The following SEM1 variants were observed in gnomAD, a reference collection of about 807,000 sequenced individuals.
The protein encoded by SEM1 is SEM1 26S proteasome subunit.
SEM1 carries 3 observed loss-of-function variants against 12.7 expected under a neutral mutation model. The observed-to-expected ratio is 0.24, with a 90% CI of 0.11 to 0.61. The LOEUF is 0.61. SEM1 is among the 20% of genes least tolerant of loss of function. SEM1 has a pLI of 0.88. For missense variants in SEM1, 59 were observed against 81.3 expected, an observed-to-expected ratio of 0.73 and a Z score of 1.06; for synonymous variants, 30 against 27.8, an observed-to-expected ratio of 1.08 and a Z score of -0.25.
At chr7:96,588,440 G>T (rs915576855) in intron 2 of SEM1, among the ~76,000 whole-genome samples, 2 of 151,346 alleles carry the variant, frequency 1.3e-5, no homozygotes, top group Non-Finnish European at 1.5e-5. Context: ...ATCATTTTGG[G>T]AACTTCAAAA....
chr7:96,511,247 G>T (rs752827399), intron 2 of SEM1, among the ~76,000 whole-genome samples: 2 of 152,130 alleles, frequency 1.3e-5, no homozygotes, highest in Non-Finnish European at 2.9e-5. Flanking sequence ...CATTCATTCA[G>T]TCAGTCAGTT....
At chr7:96,507,732 A>G (rs1358818268) in intron 2 of SEM1, among the ~76,000 whole-genome samples, 1 of 152,110 alleles carries the variant, frequency 6.6e-6, no homozygotes, top group Non-Finnish European at 1.5e-5. Context: ...CATGGATGTG[A>G]AATCAACCTG....
intron 2 of SEM1, among the ~76,000 whole-genome samples, chr7:96,527,226 TAAC>T (rs1804495142): frequency 1.3e-5 from 2 of 152,074 alleles, no homozygotes; most frequent in Non-Finnish European, 2.9e-5. Flanking sequence ...CCCTAGCTAA[TAAC>T]GTGTTCTTGC....
At chr7:96,482,890 G>A (rs1032651517) in exon 4 of SEM1, 1 of 152,164 alleles carries the variant, frequency 6.6e-6, no homozygotes, top group African/African-American at 2.4e-5. Context: ...AACTAGGCTG[G>A]CTTTGTTCTC....
chr7:96,704,575 T>C (rs1406277311), intron 1 of SEM1, among the ~76,000 whole-genome samples: 1 of 152,198 alleles, frequency 6.6e-6, no homozygotes, highest in Non-Finnish European at 1.5e-5. Flanking sequence ...TTATCAAAAA[T>C]GGACATTCAA....
At chr7:96,481,808 AC>A (rs1263295201) in exon 4 of SEM1, 4 of 152,162 alleles carry the variant, frequency 2.6e-5, no homozygotes, top group African/African-American at 9.7e-5. Context: ...CCACCTAGTT[AC>A]CAATATAAAG....
At chr7:96,603,879 A>G (rs1306241520) in intron 2 of SEM1, among the ~76,000 whole-genome samples, 1 of 65,324 alleles carries the variant, frequency 1.5e-5, no homozygotes, top group Non-Finnish European at 3.1e-5. Context: ...TGAAAGTTAC[A>G]GGATAGTTTT....
intron 2 of SEM1, among the ~76,000 whole-genome samples, chr7:96,666,206 A>G (rs1175236525): frequency 1.3e-5 from 2 of 152,184 alleles, no homozygotes; most frequent in African/African-American, 2.4e-5. Flanking sequence ...CAGTGTATGC[A>G]TCATCCTTGT....
downstream of SEM1, chr7:96,688,735 C>T: frequency 2.2e-6 from 1 of 463,552 alleles, no homozygotes; most frequent in Non-Finnish European, 3.8e-6. Flanking sequence ...TGATTAGAAG[C>T]AAAAGATTAA....
chr7:96,527,994 C>T (rs1804522028), intron 2 of SEM1, among the ~76,000 whole-genome samples: 2 of 152,110 alleles, frequency 1.3e-5, no homozygotes, highest in African/African-American at 2.4e-5. Context: ...ATATCAGCTC[C>T]TTGCAGGATG....
intron 2 of SEM1, among the ~76,000 whole-genome samples, chr7:96,665,429 C>A (rs748192989): frequency 4.6e-5 from 7 of 152,122 alleles, no homozygotes; most frequent in Non-Finnish European, 1.0e-4. Context: ...AACTCAACAG[C>A]TAAGTTGATA....
chr7:96,681,135 A>C (rs1173773981), intron 2 of SEM1, among the ~76,000 whole-genome samples: 1 of 152,150 alleles, frequency 6.6e-6, no homozygotes, highest in Non-Finnish European at 1.5e-5. Context: ...TTTACTCTTC[A>C]GAAGTGATCA....
intron 2 of SEM1, among the ~76,000 whole-genome samples, chr7:96,582,377 T>C (rs1202887594): frequency 6.6e-6 from 1 of 150,406 alleles, no homozygotes; most frequent in Non-Finnish European, 1.5e-5. Flanking sequence ...TGTTTGCCAG[T>C]ATTTTATTGA....
In SEM1 at chr7:96,485,536, C is replaced by CTTTTTTT. The variant is rs61088450; in HGVS notation, c.227+660_227+666dup. On this transcript the variant is annotated intron_variant, in intron 2 of 3. Coordinates refer to the SEM1 transcript ENST00000356686. The stretch of plus-strand genomic sequence containing the variant: ...AAGCTAATCTTCCCATCTCTACATT[C>CTTTTTTT]TTTTTTTTTTTTTTTTTTTTTTTTG... Among the ~76,000 whole-genome samples, 187 of 76,682 alleles carry CTTTTTTT rather than the reference C, an allele frequency of 2.4e-3. 5 individuals are homozygous for CTTTTTTT. The highest frequency in any genetic ancestry group is 3.1e-3 in the East Asian group (9 of 2,888). 50.3% of individuals were successfully genotyped at this position (76,682 alleles called of 152,430 possible).
At chr7:96,585,093 G>A (rs1301905670) in intron 2 of SEM1, among the ~76,000 whole-genome samples, 1 of 152,070 alleles carries the variant, frequency 6.6e-6, no homozygotes, top group Non-Finnish European at 1.5e-5. Context: ...CCCCATCTTT[G>A]TGGTTTTATC....
At chr7:96,560,137 G>A (rs1359009437) in intron 2 of SEM1, among the ~76,000 whole-genome samples, 2 of 152,114 alleles carry the variant, frequency 1.3e-5, no homozygotes, top group African/African-American at 4.8e-5. Flanking sequence ...GTTCCGCAAT[G>A]AGCATCTTTA....
intron 2 of SEM1, among the ~76,000 whole-genome samples, chr7:96,554,775 C>G (rs1805423604): frequency 1.3e-5 from 2 of 151,288 alleles, no homozygotes; most frequent in East Asian, 1.9e-4. Context: ...GGAATGGTAC[C>G]AGTTCCTCCT....
intron 2 of SEM1, among the ~76,000 whole-genome samples, chr7:96,549,460 T>C (rs1805200848): frequency 6.6e-6 from 1 of 152,204 alleles, no homozygotes; most frequent in African/African-American, 2.4e-5. Context: ...TCTCTTATGT[T>C]CATCCAGTGG....
intron 3 of SEM1, among the ~76,000 whole-genome samples, chr7:96,501,897 A>C (rs1284071783): frequency 6.6e-6 from 1 of 152,044 alleles, no homozygotes; most frequent in Admixed American, 6.6e-5. Flanking sequence ...CTAGTAGTCC[A>C]AAGTGTCTGT....
Sources: allele counts gnomAD v4.1 joint callset (sites outside exome capture counted in the v4.1 genomes callset), GRCh38; gene constraint gnomAD v4.1.1; transcripts MANE v1.5; gene names NCBI Gene and HGNC (gene_info 2026-07-23, HGNC 2026-07-21).